Variants in ABI3BP observed in about 807,000 individuals in gnomAD.
ABI3BP encodes the protein ABI family member 3 binding protein.
ABI3BP carries 216 observed loss-of-function variants against 268.6 expected under a neutral mutation model. The observed-to-expected ratio is 0.80, with a 90% CI of 0.72 to 0.90. The LOEUF is 0.90. Ranked by LOEUF, ABI3BP falls within the 40% of genes least tolerant of loss-of-function variation. The pLI is 0.00. For missense variants in ABI3BP, 2,090 were observed against 2,182.4 expected (o/e 0.96, Z 0.84); for synonymous variants, 730 against 730.0 (o/e 1.00, Z 0.00).
At position 100,770,617 on chromosome 3, in the gene ABI3BP, A is replaced by G. The variant is rs903772644; in HGVS notation, c.4741+126T>C. On this transcript the variant is annotated intron_variant, in intron 62 of 67. Coordinates refer to ENST00000471714, the MANE Select transcript of ABI3BP (RefSeq NM_001375547.2). The stretch of plus-strand genomic sequence containing the variant: ...ACAATAATGTGCCTTAAAGGCAGCA[A>G]AACTGCTAGTTTTGTCTCCTCCCCA... 4.8e-5 allele frequency: 41 copies of G among 856,850 alleles called. No individual in the cohort carries two copies. In the African/African-American group the frequency reaches 6.8e-4, roughly 14 times the overall value. The allele number at this position is 856,850 out of a possible 1,614,324, so 53.1% of individuals were successfully genotyped here. A position where few individuals can be genotyped will look rare whatever the true frequency, so the allele number is the denominator to read the frequency against.
At chr3:100,936,149 C>A (rs571193398) in intron 1 of ABI3BP, among the ~76,000 whole-genome samples, 1 of 151,798 alleles carries the variant, frequency 6.6e-6, no homozygotes, top group South Asian at 2.1e-4. Context: ...GAGATATGTT[C>A]CATCAATGCC....
intron 1 of ABI3BP, among the ~76,000 whole-genome samples, chr3:100,961,760 C>A (rs1333538891): frequency 2.0e-5 from 3 of 152,174 alleles, no homozygotes; most frequent in Admixed American, 6.5e-5. Context: ...ACAGCCTCTT[C>A]TTGCTTGTTA....
intron 4 of ABI3BP, among the ~76,000 whole-genome samples, chr3:100,890,173 C>A (rs2043894590): frequency 6.6e-6 from 1 of 152,144 alleles, no homozygotes; most frequent in African/African-American, 2.4e-5. Context: ...TTTGGGTTTT[C>A]CATACTTCCT....
chr3:100,851,978 A>C, intron 14 of ABI3BP, 38 bp from the exon 15 acceptor site: 2 of 1,489,094 alleles, frequency 1.3e-6, no homozygotes, highest in Non-Finnish European at 1.8e-6. Flanking sequence ...GAGAGATGTT[A>C]ATTTTGGTTA....
At chr3:100,861,596 G>T (rs888181548) in intron 14 of ABI3BP, among the ~76,000 whole-genome samples, 2 of 151,908 alleles carry the variant, frequency 1.3e-5, no homozygotes, top group Non-Finnish European at 2.9e-5. Context: ...TGACTGCTAG[G>T]CAATCAAAAG....
Position 100,770,904 on chromosome 3 carries a change from A to G in ABI3BP, c.4580T>C (p.Ile1527Thr). 6.2e-7 allele frequency: 1 copy of G among 1,601,584 alleles called. No individual in the cohort carries two copies. Among genetic ancestry groups the G allele is most frequent in the Non-Finnish European group, 8.5e-7 (1 of 1,174,056 alleles). The change falls in exon 62 of 68, where the codon ATT becomes ACT. Residue 1527 changes from isoleucine to threonine, a missense_variant. Ile to Thr is a moderately conservative substitution (Grantham distance 89). Coordinates refer to ENST00000471714, the MANE Select transcript of ABI3BP (RefSeq NM_001375547.2). Reference protein sequence around the residue: ...IQKPDNSPCSITDSVKRFPKE... With the variant: ...IQKPDNSPCSTTDSVKRFPKE... ...GGGGAACCGTTTGACAGAGTCAGTA[A>G]TGGAGCAGGGACTGTTGTCAGGCTT... is the stretch of plus-strand genomic sequence containing the variant.
chr3:100,893,554 T>C (rs1355139562), intron 4 of ABI3BP, among the ~76,000 whole-genome samples: 2 of 151,888 alleles, frequency 1.3e-5, no homozygotes, highest in African/African-American at 4.8e-5. Flanking sequence ...TAGTAACTAA[T>C]TGGTCATTAG....
intron 63 of ABI3BP, among the ~76,000 whole-genome samples, chr3:100,761,519 C>G (rs985218050): frequency 6.6e-6 from 1 of 152,104 alleles, no homozygotes; most frequent in African/African-American, 2.4e-5. Context: ...GAGCTAAACT[C>G]TACCATTAGC....
intron 9 of ABI3BP, among the ~76,000 whole-genome samples, chr3:100,872,614 A>C (rs973914411): frequency 2.0e-5 from 3 of 152,150 alleles, no homozygotes; most frequent in Non-Finnish European, 4.4e-5. Context: ...CCTCCTTCCA[A>C]ACAAGTTCTA....
chr3:100,950,168 G>A (rs1340369426), intron 1 of ABI3BP, among the ~76,000 whole-genome samples: 1 of 152,118 alleles, frequency 6.6e-6, no homozygotes, highest in East Asian at 1.9e-4. Context: ...TATAGATGCT[G>A]TTTATATCCA....
intron 1 of ABI3BP, among the ~76,000 whole-genome samples, chr3:100,934,914 C>G (rs2065364073): frequency 1.3e-5 from 2 of 152,074 alleles, no homozygotes; most frequent in African/African-American, 4.8e-5. Flanking sequence ...AAATTTTCTC[C>G]CATTCTGTAG....
intron 1 of ABI3BP, among the ~76,000 whole-genome samples, chr3:100,963,687 C>A (rs896568321): frequency 1.3e-5 from 2 of 152,212 alleles, no homozygotes; most frequent in African/African-American, 4.8e-5. Context: ...CATCTCTAAG[C>A]CCTCTCTGCC....
chr3:100,918,511 A>T (rs922905379), intron 2 of ABI3BP, among the ~76,000 whole-genome samples: 4 of 152,140 alleles, frequency 2.6e-5, no homozygotes, highest in Admixed American at 2.6e-4. Flanking sequence ...CAATTGATTA[A>T]CCTTAAGAAT....
At chr3:100,844,912 A>G (rs2098750247) in intron 20 of ABI3BP, among the ~76,000 whole-genome samples, 2 of 152,226 alleles carry the variant, frequency 1.3e-5, no homozygotes, top group Admixed American at 6.5e-5. Context: ...ACACCTTACA[A>G]TGATAAAAAT....
intron 1 of ABI3BP, among the ~76,000 whole-genome samples, chr3:100,941,316 C>G (rs935632099): frequency 2.6e-5 from 4 of 152,020 alleles, no homozygotes; most frequent in African/African-American, 9.7e-5. Flanking sequence ...AATTAAAAGT[C>G]TCAGTTCACC....
At chr3:100,884,973 A>G (rs1473242710) in intron 6 of ABI3BP, among the ~76,000 whole-genome samples, 1 of 110,384 alleles carries the variant, frequency 9.1e-6, no homozygotes. Context: ...GAAAAGTGGA[A>G]GGAAAGAGAG....
rs140060835 is a variant in ABI3BP, at chr3:100,773,782, A to G, written c.4531+823T>C. ...AAAAAGGAATGGACTACTGATATAC[A>G]TGCAGCAACATAGAGAAATCTCCAA... On this transcript the variant is annotated intron_variant, in intron 61 of 67. Coordinates refer to ENST00000471714, the MANE Select transcript of ABI3BP (RefSeq NM_001375547.2). Among the ~76,000 whole-genome samples the G allele has an allele frequency of 3.2e-3, 494 of 152,380 alleles. 5 individuals are homozygous for G. The highest frequency in any genetic ancestry group is 0.01 in the African/African-American group (433 of 41,586).
intron 1 of ABI3BP, among the ~76,000 whole-genome samples, chr3:100,943,003 T>C (rs765879235): frequency 7.0e-4 from 106 of 152,112 alleles, no homozygotes; most frequent in Non-Finnish European, 1.5e-3. Context: ...TTCTGTTAAT[T>C]AGGGTTTCTG....
Position 100,770,909 on chromosome 3 carries a change from GC to G in ABI3BP, c.4574del (p.Cys1525SerfsTer51). The G allele has an allele frequency of 1.3e-6, 2 of 1,599,610 alleles. No homozygotes were observed. Among genetic ancestry groups the G allele is most frequent in the Admixed American group, 1.7e-5 (1 of 58,046 alleles). ...RYIQKPDNSP[C>X]SITDSVKRFP... ...ACCGTTTGACAGAGTCAGTAATGGA[GC>G]AGGGACTGTTGTCAGGCTTTTGGAT... On this transcript the variant is annotated frameshift_variant, in exon 62 of 68. Coordinates refer to ENST00000471714, the MANE Select transcript of ABI3BP (RefSeq NM_001375547.2). LOFTEE classifies it high-confidence loss of function.
Sources: gnomAD v4.1 joint callset for allele counts (sites outside exome capture counted in the v4.1 genomes callset) on GRCh38, gnomAD v4.1.1 for gene constraint, MANE v1.5 for transcripts, NCBI Gene and HGNC (gene_info 2026-07-23, HGNC 2026-07-21) for gene names.